Variants in ZNF536 observed in about 807,000 individuals in gnomAD.
ZNF536 encodes zinc finger protein 536.
Under a neutral mutation model 84.5 loss-of-function variants are expected in ZNF536, and 13 were observed. The observed-to-expected ratio is 0.15, with a 90% CI of 0.10 to 0.24. The LOEUF (loss-of-function observed/expected upper bound fraction) is 0.24. ZNF536 is among the 10% of genes least tolerant of loss of function. ZNF536 has a pLI of 1.00. For synonymous variants in ZNF536, 811 were observed against 742.5 expected (o/e 1.09, Z -1.50); for missense variants, 1,536 against 1,747.5 (o/e 0.88, Z 2.16).
intron 2 of ZNF536, among the ~76,000 whole-genome samples, chr19:30,515,042 G>A (rs1326046397): frequency 1.3e-5 from 2 of 152,094 alleles, no homozygotes; most frequent in South Asian, 2.1e-4. Context: ...GATGAGCCCA[G>A]GCGTTTGAGA....
intron 1 of ZNF536, among the ~76,000 whole-genome samples, chr19:30,442,432 T>C (rs2148126467): frequency 6.6e-6 from 1 of 152,380 alleles, no homozygotes; most frequent in Admixed American, 6.5e-5. Context: ...CTCATTATTG[T>C]ATATTGGGAA....
At position 30,443,961 on chromosome 19, in the gene ZNF536, A is replaced by T. The variant is rs537372243; in HGVS notation, c.399A>T (p.Pro133=). ...GCAAGAACCGCAAGTACCCGTGCCCACTCTGCGGCAAGCGCTTCCGCTTCA... is the reference window on the plus strand; with the variant it reads ...GCAAGAACCGCAAGTACCCGTGCCCTCTCTGCGGCAAGCGCTTCCGCTTCA... ...DARKNRKYPC[P]LCGKRFRFNS... Residue 133 remains proline, a synonymous_variant, in exon 2 of 5, where the codon CCA becomes CCT. Coordinates refer to ENST00000355537, the MANE Select transcript of ZNF536 (RefSeq NM_014717.3). 2 of 1,613,530 alleles carry T rather than the reference A, an allele frequency of 1.2e-6. No homozygotes were observed. Among genetic ancestry groups the T allele is most frequent in the Non-Finnish European group, 1.7e-6 (2 of 1,180,010 alleles).
At chr19:30,510,394 C>A (rs115742849) in intron 2 of ZNF536, among the ~76,000 whole-genome samples, 2,195 of 152,312 alleles carry the variant, frequency 0.014, 62 homozygotes, top group African/African-American at 0.049. Context: ...TCAGACCTGG[C>A]GTTCCAGCAA....
At chr19:30,575,032 T>C (rs1261382329) in intron 1 of ZNF536, among the ~76,000 whole-genome samples, 1 of 152,210 alleles carries the variant, frequency 6.6e-6, no homozygotes, top group Non-Finnish European at 1.5e-5. Flanking sequence ...TCTCTGCTCA[T>C]GTAGTCCTTA....
intron 1 of ZNF536, among the ~76,000 whole-genome samples, chr19:30,268,300 A>T (rs2025633145): frequency 6.6e-6 from 1 of 152,294 alleles, no homozygotes; most frequent in African/African-American, 2.4e-5. Flanking sequence ...ACCCAATCAG[A>T]GTTCAGCTGT....
upstream of ZNF536, chr19:30,228,241 G>T (rs201524762): frequency 3.3e-5 from 5 of 152,094 alleles, no homozygotes; most frequent in Admixed American, 3.3e-4. This position sits in a 1 kb window ranked among gnomAD's most constrained non-coding sequence, Gnocchi z 4.5. Context: ...TGGAAGGCAG[G>T]CGACTTAAAG....
intron 1 of ZNF536, among the ~76,000 whole-genome samples, chr19:30,259,469 A>G (rs1388914154): frequency 6.6e-6 from 1 of 152,200 alleles, no homozygotes; most frequent in Non-Finnish European, 1.5e-5. Flanking sequence ...CTCACCCCAG[A>G]CCCATCTAAT....
At chr19:30,325,247 T>A (rs1174637629) in intron 2 of ZNF536, among the ~76,000 whole-genome samples, 1 of 152,120 alleles carries the variant, frequency 6.6e-6, no homozygotes, top group Non-Finnish European at 1.5e-5. Flanking sequence ...AGAAGATGGC[T>A]CTAGTTAGAG....
chr19:30,699,629 A>C (rs915012403), intron 1 of ZNF536, among the ~76,000 whole-genome samples: 1 of 152,160 alleles, frequency 6.6e-6, no homozygotes, highest in Admixed American at 6.5e-5. Flanking sequence ...CTATATGTGC[A>C]ACTGAGAAAA....
intron 1 of ZNF536, among the ~76,000 whole-genome samples, chr19:30,439,737 G>C (rs113220914): frequency 0.031 from 4,657 of 152,162 alleles, 244 homozygotes; most frequent in African/African-American, 0.11. Flanking sequence ...CTCCTAGGGA[G>C]CTGGTCAGCT....
intron 1 of ZNF536, among the ~76,000 whole-genome samples, chr19:30,614,942 A>ATTTTT (rs555419932): frequency 0.056 from 1,793 of 32,268 alleles, 463 homozygotes; most frequent in African/African-American, 0.15. Flanking sequence ...CCCCTTTTCA[A>ATTTTT]TTTTTTTTTT....
intron 2 of ZNF536, among the ~76,000 whole-genome samples, chr19:30,453,352 C>T (rs148250222): frequency 2.9e-4 from 44 of 152,228 alleles, no homozygotes; most frequent in African/African-American, 7.7e-4. Flanking sequence ...GTGGGGCCCT[C>T]GGTTCATCCT....
chr19:30,545,624 C>G (rs10425242), intron 3 of ZNF536, among the ~76,000 whole-genome samples: 3,148 of 152,048 alleles, frequency 0.021, 108 homozygotes, highest in African/African-American at 0.072. Flanking sequence ...GTCTCGATCT[C>G]CTGACCTTGT....
intron 1 of ZNF536, among the ~76,000 whole-genome samples, chr19:30,274,548 C>T (rs1426705703): frequency 6.6e-6 from 1 of 152,216 alleles, no homozygotes; most frequent in Non-Finnish European, 1.5e-5. Context: ...CCACGTGTGG[C>T]CAGTGGCTAC....
upstream of ZNF536, among the ~76,000 whole-genome samples, chr19:30,226,130 T>C (rs1430506366): frequency 6.8e-6 from 1 of 147,610 alleles, no homozygotes; most frequent in Non-Finnish European, 1.5e-5. This position sits in a 1 kb window ranked among gnomAD's most constrained non-coding sequence, Gnocchi z 4.6. Context: ...GGACCCCGCG[T>C]CCAGCTCCGG....
At chr19:30,637,891 G>A (rs566075373) in intron 1 of ZNF536, among the ~76,000 whole-genome samples, 68 of 152,130 alleles carry the variant, frequency 4.5e-4, no homozygotes, top group African/African-American at 1.6e-3. Context: ...GTATTTCGAG[G>A]GTTTTTTTGC....
At chr19:30,467,547 T>G (rs1257106725) in intron 2 of ZNF536, among the ~76,000 whole-genome samples, 1 of 152,212 alleles carries the variant, frequency 6.6e-6, no homozygotes, top group Non-Finnish European at 1.5e-5. Context: ...GCTGTTTCAG[T>G]ACACACTTGA....
intron 1 of ZNF536, among the ~76,000 whole-genome samples, chr19:30,229,914 G>A (rs992354925): frequency 6.6e-6 from 1 of 152,162 alleles, no homozygotes. Flanking sequence ...TGACATACAT[G>A]ACAGGCCCCT....
intron 1 of ZNF536, among the ~76,000 whole-genome samples, chr19:30,656,473 G>A (rs543238339): frequency 3.7e-4 from 57 of 152,294 alleles, no homozygotes; most frequent in African/African-American, 1.3e-3. Context: ...CTGGAAACGC[G>A]CTGTCACTCT....
Sources: gnomAD v4.1 joint callset for allele counts (sites outside exome capture counted in the v4.1 genomes callset) on GRCh38, gnomAD v4.1.1 for gene constraint, Gnocchi (gnomAD v3.1) non-coding constraint, MANE v1.5 for transcripts, NCBI Gene and HGNC (gene_info 2026-07-23, HGNC 2026-07-21) for gene names.